NOL8: variants seen among roughly 807,000 people sequenced by gnomAD.
NOL8 encodes the protein nucleolar protein Nop132.
Under a neutral mutation model 116.1 loss-of-function variants are expected in NOL8, and 93 were observed. The ratio of observed to expected loss-of-function variants is 0.80; its 90% CI spans 0.68 to 0.95. NOL8 has a LOEUF of 0.95. Among genes scored for constraint, NOL8 ranks in the 40% least tolerant of loss-of-function variants. The pLI, the probability that NOL8 is intolerant of heterozygous loss-of-function variation, is 0.00. For synonymous variants in NOL8, 419 were observed against 469.0 expected (o/e 0.89, Z 1.38); for missense variants, 1,291 against 1,382.8 (o/e 0.93, Z 1.05).
rs999199797 is a variant in NOL8 at position 92,305,806 on chromosome 9, C to T, written c.2850G>A (p.Thr950=). 11 of 1,612,572 alleles carry T rather than the reference C, an allele frequency of 6.8e-6. No individual in the cohort carries two copies. The highest frequency in any genetic ancestry group is 1.1e-5 in the South Asian group (1 of 91,032). The change falls in exon 12 of 17, where the codon ACG becomes ACA. Residue 950 remains threonine, a synonymous_variant. Coordinates refer to ENST00000442668, the MANE Select transcript of NOL8 (RefSeq NM_017948.6). ...TTTCGTAAGTGGCATGGTCTTGCTT[C>T]GTTGGATCATAATGTATGATGTCCC... is the stretch of plus-strand genomic sequence containing the variant. ...KFKDIIHYDP[T]KQDHATYERK...
chr9:92,315,443 G>T lies in NOL8; in HGVS notation c.1182C>A (p.Val394=). The T allele has an allele frequency of 1.3e-6, 2 of 1,593,524 alleles. No homozygotes were observed. Among genetic ancestry groups the T allele is most frequent in the South Asian group, 2.3e-5 (2 of 88,756 alleles). The change falls in exon 7 of 17, where the codon GTC becomes GTA. Residue 394 remains valine, a synonymous_variant. Transcript: ENST00000442668. ...IIAMKKNVAK[V]KNSTEFSQME... ...TTTGTGAAAATTCTGTACTGTTTTT[G>T]ACCTTAGCAACATTTTTTTTCATCG...
chr9:92,312,977 TAAAG>T (rs972098636), intron 7 of NOL8, among the ~76,000 whole-genome samples: 2 of 146,922 alleles, frequency 1.4e-5, no homozygotes, highest in African/African-American at 5.1e-5. Context: ...GAACCTAAAA[TAAAG>T]GAAGAAAAAA....
intron 13 of NOL8, chr9:92,300,650 C>T (rs1008666799): frequency 4.4e-5 from 45 of 1,025,192 alleles, no homozygotes; most frequent in Non-Finnish European, 5.2e-5. Flanking sequence ...CAACTCTACT[C>T]AACAGTTTAT....
In NOL8 at chr9:92,310,178, T is replaced by C. The variant is rs930672078; in HGVS notation, c.2679A>G (p.Glu893=). ...SRFLETDSEE[E]QEEVNEKKTA... ...GGACAATGAAGCATTTACCTTCCTG[T>C]TCCTCTTCACTGTCAGTTTCTAGAA... The change falls in exon 10 of 17, where the codon GAA becomes GAG. Residue 893 remains glutamate (E), a synonymous_variant. Coordinates refer to ENST00000442668, the MANE Select transcript of NOL8 (RefSeq NM_017948.6). 1.9e-6 allele frequency: 3 copies of C among 1,604,420 alleles called. No individual in the cohort carries two copies. The highest frequency in any genetic ancestry group is 1.7e-6 in the Non-Finnish European group (2 of 1,175,120).
Position 92,301,962 on chromosome 9 carries a change from G to C in NOL8, c.2904-140C>G, listed in dbSNP as rs74768370. ...GAATATAAAACTCTACTTATAAATA[G>C]AGAAATAAAATAAGTAAAACTCTAC... is the stretch of plus-strand genomic sequence containing the variant. On this transcript the variant is annotated intron_variant, in intron 12 of 16. Coordinates refer to ENST00000442668, the MANE Select transcript of NOL8 (RefSeq NM_017948.6). 7.8e-4 allele frequency: 521 copies of C among 665,528 alleles called. 5 individuals are homozygous for C. In the East Asian group the frequency reaches 8.5e-3, roughly 11 times the overall value. 41.2% of individuals were successfully genotyped at this position (665,528 alleles called of 1,614,324 possible). A position where few individuals can be genotyped will look rare whatever the true frequency, so the allele number is the denominator to read the frequency against.
In NOL8 at chr9:92,314,624, T is replaced by G. The variant is rs368794192; in HGVS notation, c.2001A>C (p.Arg667Ser). ...KAVSPSSSEK[R>S]SKNPISRPLE... ...ATGGCCTAGAAATAGGATTCTTACTTCTCTTTTCAGAACTGCTAGGGGACA... is the reference window on the plus strand; with the variant it reads ...ATGGCCTAGAAATAGGATTCTTACTGCTCTTTTCAGAACTGCTAGGGGACA... Residue 667 changes from arginine (R) to serine (S), a missense_variant, in exon 7 of 17, where the codon AGA becomes AGC. Arg to Ser is a moderately radical substitution (Grantham distance 110). Transcript: ENST00000442668. 3.2e-5 allele frequency: 51 copies of G among 1,612,990 alleles called. No homozygotes were observed. In the African/African-American group the frequency reaches 6.3e-4, roughly 20 times the overall value.
At chr9:92,308,012 A>C (rs1838431172) in intron 10 of NOL8, among the ~76,000 whole-genome samples, 1 of 152,210 alleles carries the variant, frequency 6.6e-6, no homozygotes, top group Admixed American at 6.5e-5. Context: ...AGCATTAGGG[A>C]AGTAGATTAT....
Position 92,316,021 on chromosome 9 carries a change from T to C in NOL8, c.604A>G (p.Met202Val), listed in dbSNP as rs1839370337. 1.2e-6 allele frequency: 2 copies of C among 1,613,894 alleles called. No individual in the cohort carries two copies. The highest frequency in any genetic ancestry group is 1.7e-5 in the Admixed American group (1 of 60,008). ...TWELEGGNDPMSKKRRGEFSD... is the reference protein window; with the variant it reads ...TWELEGGNDPVSKKRRGEFSD... Reference sequence around the variant, plus strand: ...AACTCTCCTCGCCGTTTCTTACTCATAGGGTCATTCCCTCCTTCTAATTCC... The same window carrying C: ...AACTCTCCTCGCCGTTTCTTACTCACAGGGTCATTCCCTCCTTCTAATTCC... Residue 202 changes from methionine (M) to valine (V), a missense_variant, in exon 7 of 17, where the codon ATG (methionine) becomes GTG (valine). Physicochemically the swap from Met to Val is conservative, Grantham distance 21. Coordinates refer to ENST00000442668, the MANE Select transcript of NOL8 (RefSeq NM_017948.6).
chr9:92,305,636 C>T, intron 12 of NOL8, 117 bp downstream of exon 12: 1 of 748,652 alleles, frequency 1.3e-6, no homozygotes, highest in Non-Finnish European at 2.3e-6. Context: ...CCCTACCCCA[C>T]CAATCTTAAT....
rs1840230312 is a variant in NOL8, at chr9:92,324,229, C to A, written c.-48-20G>T. ...AATTTTCTGTATACAGAGAAGAGTTCTTTCCCTTAGTTCTTCTAAAATCTA... is the reference window on the plus strand; with the variant it reads ...AATTTTCTGTATACAGAGAAGAGTTATTTCCCTTAGTTCTTCTAAAATCTA... On this transcript the variant is annotated intron_variant, in intron 1 of 16. Coordinates refer to ENST00000442668, the MANE Select transcript of NOL8 (RefSeq NM_017948.6). The A allele has an allele frequency of 6.7e-7, 1 of 1,497,890 alleles. No individual in the cohort carries two copies. The highest frequency in any genetic ancestry group is 2.1e-5 in the Admixed American group (1 of 47,428). The allele number at this position is 1,497,890 out of a possible 1,614,324, so 92.8% of individuals were successfully genotyped here. A position where few individuals can be genotyped will look rare whatever the true frequency, so the allele number is the denominator to read the frequency against.
chr9:92,313,338 C>CTA (rs936711397), intron 7 of NOL8, among the ~76,000 whole-genome samples: 13 of 152,134 alleles, frequency 8.5e-5, no homozygotes, highest in Admixed American at 1.3e-4. Context: ...CAGAGGTTGA[C>CTA]AAACTTTTTC....
intron 12 of NOL8, 42 bp from the exon 13 acceptor site, chr9:92,301,864 G>A: frequency 6.7e-7 from 1 of 1,492,922 alleles, no homozygotes; most frequent in Admixed American, 2.9e-5. Context: ...AAAGAAACAA[G>A]TTTTGGGAAA....
chr9:92,299,427 CA>C (rs1467859046), intron 14 of NOL8, among the ~76,000 whole-genome samples: 11 of 152,194 alleles, frequency 7.2e-5, no homozygotes, highest in Non-Finnish European at 1.3e-4. Context: ...ACACACTCTC[CA>C]TTATAAAAAG....
intron 10 of NOL8, among the ~76,000 whole-genome samples, chr9:92,309,645 A>G (rs1838588880): frequency 6.6e-6 from 1 of 152,176 alleles, no homozygotes; most frequent in Non-Finnish European, 1.5e-5. Context: ...ACTGCTGTGA[A>G]AAATGCTATA....
At chr9:92,305,878 T>C (rs761876786) in intron 11 of NOL8, 48 bp from the exon 12 acceptor site, 8 of 1,307,530 alleles carry the variant, frequency 6.1e-6, no homozygotes, top group Admixed American at 3.7e-5. Context: ...AACAGAACAC[T>C]AATACAAAAA....
chr9:92,321,131 G>A (rs1441648846), intron 4 of NOL8, among the ~76,000 whole-genome samples: 1 of 152,134 alleles, frequency 6.6e-6, no homozygotes, highest in Non-Finnish European at 1.5e-5. Flanking sequence ...ATCAACATAT[G>A]CAATTTAGTA....
chr9:92,311,220 C>T lies in NOL8; in HGVS notation c.2398G>A (p.Gly800Ser), dbSNP rs781431827. The T allele has an allele frequency of 2.2e-5, 35 of 1,613,646 alleles. No individual in the cohort carries two copies. The highest frequency in any genetic ancestry group is 2.8e-5 in the Non-Finnish European group (33 of 1,179,822). Residue 800 changes from glycine to serine, a missense_variant, in exon 8 of 17, where the codon GGT (glycine) becomes AGT (serine). Gly to Ser is a moderately conservative substitution (Grantham distance 56). Coordinates refer to ENST00000442668, the MANE Select transcript of NOL8 (RefSeq NM_017948.6). The stretch of plus-strand genomic sequence containing the variant: ...TCTGTTTCACATTCACTGTCAGAAC[C>T]GAAGATGATGTGCGTTGGCTTATCC... ...PEDKPTHIIF[G>S]SDSECETEET...
chr9:92,303,998 T>C (rs1026657778), intron 12 of NOL8, among the ~76,000 whole-genome samples: 2 of 152,164 alleles, frequency 1.3e-5, no homozygotes, highest in South Asian at 2.1e-4. Flanking sequence ...AGATAACTTA[T>C]GAAGATTTTA....
Position 92,311,219 on chromosome 9 carries a change from C to A in NOL8, c.2399G>T (p.Gly800Val), listed in dbSNP as rs558860095. 8.2e-5 allele frequency: 132 copies of A among 1,613,834 alleles called. 1 individual carries two copies. In the Middle Eastern group the frequency reaches 4.3e-3, roughly 52 times the overall value. Residue 800 changes from glycine (G) to valine (V), a missense_variant, in exon 8 of 17, where the codon GGT (glycine) becomes GTT (valine). Transcript: ENST00000442668. ...PEDKPTHIIF[G>V]SDSECETEET... is the part of the protein sequence containing the mutation. Reference sequence around the variant, plus strand: ...CTCTGTTTCACATTCACTGTCAGAACCGAAGATGATGTGCGTTGGCTTATC... The same window carrying A: ...CTCTGTTTCACATTCACTGTCAGAAACGAAGATGATGTGCGTTGGCTTATC...
Sources: gnomAD v4.1 joint callset for allele counts (sites outside exome capture counted in the v4.1 genomes callset) on GRCh38, gnomAD v4.1.1 for gene constraint, MANE v1.5 for transcripts, NCBI Gene and HGNC (gene_info 2026-07-23, HGNC 2026-07-21) for gene names.